Variants in MMP16 observed in about 807,000 individuals in gnomAD.
The protein encoded by MMP16 is matrix metallopeptidase 16.
In MMP16, 12 loss-of-function variants were observed where a neutral mutation model predicts 67.8. The ratio of observed to expected loss-of-function variants is 0.18; its 90% CI spans 0.11 to 0.29. The LOEUF (loss-of-function observed/expected upper bound fraction) is 0.29, where lower values mean the gene tolerates loss of function less well. Among genes scored for constraint, MMP16 ranks in the 10% least tolerant of loss-of-function variants. MMP16 has a pLI of 1.00. For synonymous variants in MMP16, 249 were observed against 255.9 expected, an observed-to-expected ratio of 0.97 and a Z score of 0.26; for missense variants, 475 against 765.7, an observed-to-expected ratio of 0.62 and a Z score of 4.48.
intron 4 of MMP16, among the ~76,000 whole-genome samples, chr8:88,150,782 T>G (rs1394249762): frequency 2.0e-5 from 3 of 151,436 alleles, no homozygotes; most frequent in Admixed American, 1.3e-4. Flanking sequence ...AGACCATCGA[T>G]GCTAGGAAGA....
intron 1 of MMP16, among the ~76,000 whole-genome samples, chr8:88,288,227 T>G (rs1449901818): frequency 6.6e-6 from 1 of 152,180 alleles, no homozygotes; most frequent in Non-Finnish European, 1.5e-5. Flanking sequence ...TAAAGACAAT[T>G]CCCTTTATGC....
intron 1 of MMP16, among the ~76,000 whole-genome samples, chr8:88,273,207 C>T (rs1372939608): frequency 6.6e-6 from 1 of 150,668 alleles, no homozygotes; most frequent in Admixed American, 6.6e-5. Flanking sequence ...GCCTCAGCCT[C>T]CTGAGGAGCT....
Position 88,327,097 on chromosome 8 carries a change from G to A in MMP16, c.110C>T (p.Thr37Met). The stretch of plus-strand genomic sequence containing the variant: ...TACCTCCACATTGAAATACTGCTCC[G>A]TTCCGCAGACTGTAGCACATAAAAT... ...LWILCATVCG[T>M]EQYFNVEVWL... Residue 37 changes from threonine to methionine, a missense_variant, in exon 1 of 10, where the codon ACG (threonine) becomes ATG (methionine). Physicochemically the swap from Thr to Met is moderately conservative, Grantham distance 81. Around this residue, in one of 5 missense-constraint regions of MMP16, gnomAD observed 170 missense variants for 239.6 expected, o/e 0.71. Transcript: ENST00000286614. 6.2e-7 allele frequency: 1 copy of A among 1,613,974 alleles called. No individual in the cohort carries two copies. The highest frequency in any genetic ancestry group is 1.3e-5 in the African/African-American group (1 of 74,998).
intron 8 of MMP16, among the ~76,000 whole-genome samples, 175 bp downstream of exon 8, chr8:88,055,953 A>T (rs1288605160): frequency 1.3e-5 from 2 of 152,240 alleles, no homozygotes; most frequent in East Asian, 3.8e-4. Context: ...TGAATATATT[A>T]GAGAAAGATT....
chr8:88,252,691 G>C (rs1365642188), intron 1 of MMP16, among the ~76,000 whole-genome samples: 1 of 148,580 alleles, frequency 6.7e-6, no homozygotes, highest in East Asian at 2.0e-4. Context: ...TAACAGACTT[G>C]CAGTAATTTA....
chr8:88,164,593 C>T (rs1205709980), intron 4 of MMP16, among the ~76,000 whole-genome samples: 5 of 152,014 alleles, frequency 3.3e-5, no homozygotes, highest in African/African-American at 1.2e-4. Context: ...TAATGTCTCC[C>T]TAATCTCTTG....
At chr8:88,120,207 A>G (rs1807798444) in intron 4 of MMP16, among the ~76,000 whole-genome samples, 1 of 151,990 alleles carries the variant, frequency 6.6e-6, no homozygotes, top group African/African-American at 2.4e-5. Flanking sequence ...AGAAGGAAGG[A>G]GGAAGTTATT....
chr8:88,155,197 T>G (rs928847777), intron 4 of MMP16, among the ~76,000 whole-genome samples: 1 of 152,068 alleles, frequency 6.6e-6, no homozygotes. Context: ...TCAGGACACA[T>G]GATTTCTAAA....
chr8:88,194,793 C>G, intron 2 of MMP16, among the ~76,000 whole-genome samples: 1 of 151,946 alleles, frequency 6.6e-6, no homozygotes, highest in Non-Finnish European at 1.5e-5. Context: ...CTACCAATTC[C>G]TAAAAAGACA....
At chr8:88,289,951 C>A (rs1297175496) in intron 1 of MMP16, among the ~76,000 whole-genome samples, 2 of 152,116 alleles carry the variant, frequency 1.3e-5, no homozygotes, top group Non-Finnish European at 2.9e-5. Context: ...CCTACTGCCT[C>A]CATCCTCTGA....
chr8:88,311,633 TA>T (rs1027869990), intron 1 of MMP16, among the ~76,000 whole-genome samples: 25 of 152,294 alleles, frequency 1.6e-4, no homozygotes, highest in Admixed American at 4.6e-4. Flanking sequence ...AATAAGTATT[TA>T]AAAATTCTCT....
Position 88,222,561 on chromosome 8 carries a change from T to A in MMP16, c.133-25255A>T, listed in dbSNP as rs183135438. On this transcript the variant is annotated intron_variant, in intron 1 of 9. Transcript: ENST00000286614. ...ACACCACACAACTACAACCATCTGA[T>A]CTTTGACAAACCTGACAAAAACAAG... 2.7e-3 allele frequency among the ~76,000 whole-genome samples: 407 copies of A among 152,202 alleles called. 4 individuals are homozygous for A. In the Middle Eastern group the frequency reaches 0.048, roughly 18 times the overall value.
intron 3 of MMP16, among the ~76,000 whole-genome samples, chr8:88,182,422 T>C (rs1322883647): frequency 1.3e-5 from 2 of 152,088 alleles, no homozygotes; most frequent in South Asian, 2.1e-4. Flanking sequence ...ATTAAAACAA[T>C]CTATATCAAT....
At chr8:88,254,838 T>C (rs138147718) in intron 1 of MMP16, among the ~76,000 whole-genome samples, 3 of 152,230 alleles carry the variant, frequency 2.0e-5, no homozygotes, top group Non-Finnish European at 2.9e-5. Flanking sequence ...TAATAAACTG[T>C]GTATGTTACT....
intron 1 of MMP16, among the ~76,000 whole-genome samples, chr8:88,299,488 C>T (rs1400513161): frequency 6.6e-6 from 1 of 152,178 alleles, no homozygotes; most frequent in African/African-American, 2.4e-5. Context: ...TTAAAGAATA[C>T]TTCCAACAAA....
At chr8:88,064,908 G>A (rs1044360014) in intron 7 of MMP16, among the ~76,000 whole-genome samples, 4 of 152,056 alleles carry the variant, frequency 2.6e-5, no homozygotes, top group Non-Finnish European at 5.9e-5. Context: ...TGCCGCTGAG[G>A]TGTGCAGCTC....
chr8:88,173,061 T>G (rs1210144485), intron 3 of MMP16, among the ~76,000 whole-genome samples: 1 of 152,212 alleles, frequency 6.6e-6, no homozygotes, highest in Non-Finnish European at 1.5e-5. Context: ...TTGTTGTTGT[T>G]GTGGTTAAGA....
At chr8:88,079,275 A>G (rs1223499707) in intron 6 of MMP16, among the ~76,000 whole-genome samples, 1 of 152,176 alleles carries the variant, frequency 6.6e-6, no homozygotes, top group African/African-American at 2.4e-5. Flanking sequence ...CCAAAAATAG[A>G]TAAGTCCAGC....
intron 1 of MMP16, among the ~76,000 whole-genome samples, chr8:88,306,437 A>G (rs1249093210): frequency 6.6e-6 from 1 of 152,112 alleles, no homozygotes; most frequent in African/African-American, 2.4e-5. Context: ...ATTTTATGAC[A>G]CCAACATCAT....
Sources: gnomAD v4.1 joint callset for allele counts (sites outside exome capture counted in the v4.1 genomes callset) on GRCh38, gnomAD v4.1.1 for gene constraint, gnomAD v4.1.1 regional missense constraint, MANE v1.5 for transcripts, NCBI Gene and HGNC (gene_info 2026-07-23, HGNC 2026-07-21) for gene names.